Variants in ELAVL4 observed in about 807,000 individuals in gnomAD.
ELAVL4 encodes the protein ELAV like RNA binding protein 4.
In ELAVL4, 1 loss-of-function variant was observed where a neutral mutation model predicts 35.6. That is an observed-to-expected ratio of 0.03 (90% CI 0.01 to 0.13). The LOEUF (loss-of-function observed/expected upper bound fraction) is 0.13, where lower values mean the gene tolerates loss of function less well. Ranked by LOEUF, ELAVL4 falls within the 10% of genes least tolerant of loss-of-function variation. ELAVL4 has a pLI of 1.00. For missense variants in ELAVL4, 267 were observed against 464.9 expected (o/e 0.57, Z 3.91); for synonymous variants, 156 against 171.0 (o/e 0.91, Z 0.69).
At chr1:50,051,020 C>T (rs552629048) in intron 1 of ELAVL4, among the ~76,000 whole-genome samples, 24 of 152,008 alleles carry the variant, frequency 1.6e-4, no homozygotes, top group East Asian at 9.7e-4. Flanking sequence ...ATCAATCTAT[C>T]GTAAATATGC....
intron 1 of ELAVL4, among the ~76,000 whole-genome samples, chr1:50,071,369 C>T (rs1289960483): frequency 4.6e-5 from 7 of 152,236 alleles, no homozygotes; most frequent in Non-Finnish European, 7.3e-5. Context: ...ATTCATTCCA[C>T]AAGGAATGTT....
intron 2 of ELAVL4, among the ~76,000 whole-genome samples, chr1:50,173,496 G>T (rs1299536254): frequency 2.0e-5 from 3 of 152,208 alleles, no homozygotes; most frequent in African/African-American, 7.2e-5. Flanking sequence ...GCCCATGCAT[G>T]ATAACTGGTG....
At chr1:50,079,562 A>C (rs979934347) in intron 1 of ELAVL4, among the ~76,000 whole-genome samples, 4 of 152,160 alleles carry the variant, frequency 2.6e-5, no homozygotes, top group Non-Finnish European at 4.4e-5. Context: ...TGGGAAAGAC[A>C]ATTCTCTCAG....
intron 1 of ELAVL4, among the ~76,000 whole-genome samples, chr1:50,085,953 C>T (rs1264634672): frequency 6.6e-6 from 1 of 152,144 alleles, no homozygotes; most frequent in African/African-American, 2.4e-5. Flanking sequence ...TGTTTTCCCA[C>T]ATGTTTGTTC....
intron 2 of ELAVL4, among the ~76,000 whole-genome samples, chr1:50,165,812 G>GTA (rs949528318): frequency 2.1e-4 from 31 of 149,856 alleles, no homozygotes; most frequent in East Asian, 1.2e-3. Flanking sequence ...ATGTGTGTGT[G>GTA]TATATATATA....
At chr1:50,141,386 C>T (rs905921351) in intron 1 of ELAVL4, among the ~76,000 whole-genome samples, 13 of 152,068 alleles carry the variant, frequency 8.5e-5, no homozygotes, top group East Asian at 3.8e-4. Context: ...TGTAGTAGTC[C>T]GGCCTCCTGA....
intron 1 of ELAVL4, among the ~76,000 whole-genome samples, chr1:50,114,417 T>G (rs911717821): frequency 1.3e-4 from 19 of 151,964 alleles, no homozygotes; most frequent in Admixed American, 1.0e-3. Flanking sequence ...CCACGTATTT[T>G]AGGGGTAAAG....
At chr1:50,077,549 G>A (rs1664818755) in intron 1 of ELAVL4, among the ~76,000 whole-genome samples, 2 of 152,144 alleles carry the variant, frequency 1.3e-5, no homozygotes, top group African/African-American at 4.8e-5. Flanking sequence ...TCAGTCTACT[G>A]AGCCAAATGT....
chr1:50,106,454 C>T, upstream of ELAVL4: 1 of 1,359,772 alleles, frequency 7.4e-7, no homozygotes, highest in Non-Finnish European at 1.0e-6. Flanking sequence ...TTTAGGTTGC[C>T]TTAGCTGCTT....
intron 3 of ELAVL4, among the ~76,000 whole-genome samples, chr1:50,183,938 G>T (rs185715565): frequency 6.6e-6 from 1 of 152,014 alleles, no homozygotes; most frequent in Non-Finnish European, 1.5e-5. Flanking sequence ...CTCCATTACC[G>T]CTAGTCACAA....
At chr1:50,127,810 C>T (rs1352436417) in intron 1 of ELAVL4, among the ~76,000 whole-genome samples, 5 of 152,056 alleles carry the variant, frequency 3.3e-5, no homozygotes, top group Non-Finnish European at 7.4e-5. Flanking sequence ...CAGTCAAGCT[C>T]TAGTGACTGT....
At chr1:50,093,346 C>G (rs1210296911) in intron 1 of ELAVL4, among the ~76,000 whole-genome samples, 1 of 152,174 alleles carries the variant, frequency 6.6e-6, no homozygotes, top group Non-Finnish European at 1.5e-5. Flanking sequence ...ATTCTCCCCA[C>G]ACATTACTGT....
intron 1 of ELAVL4, among the ~76,000 whole-genome samples, chr1:50,055,208 A>G (rs953846540): frequency 6.6e-6 from 1 of 152,220 alleles, no homozygotes; most frequent in African/African-American, 2.4e-5. Flanking sequence ...ATAGATATCC[A>G]GTAAATGACA....
chr1:50,109,547 T>G, intron 1 of ELAVL4: 1 of 347,740 alleles, frequency 2.9e-6, no homozygotes, highest in Non-Finnish European at 5.3e-6. Context: ...AGAGGGGGTT[T>G]GTCTACGTGC....
At chr1:50,165,094 T>C (rs1677509236) in intron 2 of ELAVL4, among the ~76,000 whole-genome samples, 1 of 152,150 alleles carries the variant, frequency 6.6e-6, no homozygotes, top group Non-Finnish European at 1.5e-5. Flanking sequence ...TTTTCATACA[T>C]GTCTTATTCA....
intron 3 of ELAVL4, among the ~76,000 whole-genome samples, chr1:50,190,374 A>G (rs573596109): frequency 2.0e-5 from 3 of 152,350 alleles, no homozygotes; most frequent in African/African-American, 7.2e-5. Context: ...AATTTAATAC[A>G]TGTATATGGA....
At chr1:50,153,167 G>A (rs1384292331) in intron 2 of ELAVL4, among the ~76,000 whole-genome samples, 1 of 152,206 alleles carries the variant, frequency 6.6e-6, no homozygotes, top group Non-Finnish European at 1.5e-5. Flanking sequence ...GGGCAAGAGG[G>A]AAGTGGAGGT....
exon 1 of ELAVL4, chr1:50,048,112 G>T (rs962410621): frequency 1.4e-6 from 2 of 1,470,670 alleles, no homozygotes; most frequent in African/African-American, 2.9e-5. Context: ...CGCCCGCCGC[G>T]CTCCGCCCCA....
chr1:50,089,084 A>G (rs1210912389), intron 1 of ELAVL4, among the ~76,000 whole-genome samples: 1 of 152,198 alleles, frequency 6.6e-6, no homozygotes, highest in Non-Finnish European at 1.5e-5. Context: ...TGAGCTCCTC[A>G]AATATTATCC....
Sources: gnomAD v4.1 joint callset for allele counts (sites outside exome capture counted in the v4.1 genomes callset) on GRCh38, gnomAD v4.1.1 for gene constraint, MANE v1.5 for transcripts, NCBI Gene and HGNC (gene_info 2026-07-23, HGNC 2026-07-21) for gene names.